Variants in FIGLA observed in about 807,000 individuals in gnomAD.
The protein encoded by FIGLA is factor in the germline alpha.
Under a neutral mutation model 21.5 loss-of-function variants are expected in FIGLA, and 17 were observed. The ratio of observed to expected loss-of-function variants is 0.79; its 90% CI spans 0.54 to 1.19. FIGLA has a LOEUF of 1.19. Among genes scored for constraint, FIGLA ranks in the 50% most tolerant of loss-of-function variants. The pLI is 0.00. For missense variants in FIGLA, 282 were observed against 285.0 expected, an observed-to-expected ratio of 0.99 and a Z score of 0.08; for synonymous variants, 129 against 117.6, an observed-to-expected ratio of 1.10 and a Z score of -0.63.
Position 70,788,530 on chromosome 2 carries a change from G to A in FIGLA, c.232-729C>T, listed in dbSNP as rs73937010. On this transcript the variant is annotated intron_variant, in intron 1 of 4. Coordinates refer to ENST00000332372, the MANE Select transcript of FIGLA (RefSeq NM_001004311.3). Reference sequence around the variant, plus strand: ...CTATAATTCTGATGTTCATCCCCCTGGGAGATACAGGCCTTGGGAGAACTG... The same window carrying A: ...CTATAATTCTGATGTTCATCCCCCTAGGAGATACAGGCCTTGGGAGAACTG... Among the ~76,000 whole-genome samples, 1,261 of 152,234 alleles carry A rather than the reference G, an allele frequency of 8.3e-3. 20 individuals are homozygous for A. The highest frequency in any genetic ancestry group is 0.029 in the African/African-American group (1,190 of 41,524).
intron 2 of FIGLA, among the ~76,000 whole-genome samples, chr2:70,787,057 G>A (rs1251565904): frequency 6.6e-6 from 1 of 152,178 alleles, no homozygotes; most frequent in Non-Finnish European, 1.5e-5. Flanking sequence ...GGACACTTCT[G>A]AGCTATCTCA....
chr2:70,787,290 C>A (rs1243033895), intron 2 of FIGLA, among the ~76,000 whole-genome samples: 1 of 152,118 alleles, frequency 6.6e-6, no homozygotes, highest in Non-Finnish European at 1.5e-5. Flanking sequence ...TGTAGGGAAA[C>A]AACCAAAGTG....
chr2:70,787,029 C>T (rs10171584), intron 2 of FIGLA, among the ~76,000 whole-genome samples: 5,160 of 152,310 alleles, frequency 0.034, 297 homozygotes, highest in African/African-American at 0.12. Context: ...AACCAGTCCA[C>T]ACTTTACTTT....
At chr2:70,784,009 G>T (rs1386780060) in intron 3 of FIGLA, among the ~76,000 whole-genome samples, 1 of 152,012 alleles carries the variant, frequency 6.6e-6, no homozygotes, top group Non-Finnish European at 1.5e-5. Flanking sequence ...TGTTGTTGTT[G>T]CTTTTAGTCA....
chr2:70,784,612 G>A (rs1553389584), intron 3 of FIGLA, among the ~76,000 whole-genome samples: 2 of 152,030 alleles, frequency 1.3e-5, no homozygotes, highest in Non-Finnish European at 2.9e-5. Flanking sequence ...TCAACTGCTC[G>A]CCTCAACTGC....
intron 3 of FIGLA, among the ~76,000 whole-genome samples, chr2:70,778,203 C>T (rs1311883859): frequency 6.6e-6 from 1 of 152,156 alleles, no homozygotes; most frequent in Admixed American, 6.5e-5. Context: ...ACACTATCAC[C>T]CACATCCCCC....
Position 70,785,418 on chromosome 2 carries a change from A to G in FIGLA, c.606T>C (p.Ser202=). 1 of 1,608,964 alleles carries G rather than the reference A, an allele frequency of 6.2e-7. No homozygotes were observed. The highest frequency in any genetic ancestry group is 8.5e-7 in the Non-Finnish European group (1 of 1,175,710). ...STTEIISPTR[S]LDRFPEVELL... Reference sequence around the variant, plus strand: ...TATTTAAGAAGGAATATTTTACCAGACTTCTGGTTGGGGAGATAATTTCAG... The same window carrying G: ...TATTTAAGAAGGAATATTTTACCAGGCTTCTGGTTGGGGAGATAATTTCAG... The change falls in exon 3 of 5, where the codon AGT becomes AGC. Residue 202 remains serine, a synonymous_variant. Coordinates refer to ENST00000332372, the MANE Select transcript of FIGLA (RefSeq NM_001004311.3).
chr2:70,787,785 C>T lies in FIGLA; in HGVS notation c.248G>A (p.Arg83His), dbSNP rs199702150. 5.7e-4 allele frequency: 917 copies of T among 1,612,284 alleles called. 1 individual carries two copies. The highest frequency in any genetic ancestry group is 7.5e-4 in the Non-Finnish European group (881 of 1,179,476). Residue 83 changes from arginine to histidine, a missense_variant, in exon 2 of 5, where the codon CGT (arginine) becomes CAT (histidine). Physicochemically the swap from Arg to His is conservative, Grantham distance 29 (BLOSUM62 0). Transcript: ENST00000332372. ...KERERIKNLNRGFARLKALVP... is the reference protein window; with the variant it reads ...KERERIKNLNHGFARLKALVP... The stretch of plus-strand genomic sequence containing the variant: ...AAGTGCCTTCAATCTGGCAAAACCA[C>T]GGTTGAGATTTTTTATCTAGAAAAC...
chr2:70,780,680 A>C (rs1246431615), intron 3 of FIGLA, among the ~76,000 whole-genome samples: 1 of 152,258 alleles, frequency 6.6e-6, no homozygotes, highest in East Asian at 1.9e-4. Context: ...AAAACTAGCC[A>C]GAAAGACGGC....
Position 70,785,530 on chromosome 2 carries a change from C to A in FIGLA, c.494G>T (p.Gly165Val). 1.2e-6 allele frequency: 2 copies of A among 1,613,992 alleles called. No individual in the cohort carries two copies. The highest frequency in any genetic ancestry group is 1.7e-6 in the Non-Finnish European group (2 of 1,179,894). The change falls in exon 3 of 5, where the codon GGC becomes GTC. Residue 165 changes from glycine to valine, a missense_variant. Physicochemically the swap from Gly to Val is moderately radical, Grantham distance 109. Transcript: ENST00000332372. The part of the protein sequence containing the change: ...NITQHISCAF[G>V]LKNEEEGPWA... ...AGGCCCTTCCTCTTCATTCTTCAAG[C>A]CGAAAGCACAGCTGATATGTTGGGT... is the stretch of plus-strand genomic sequence containing the variant.
chr2:70,785,098 G>C (rs1553389703), intron 3 of FIGLA, among the ~76,000 whole-genome samples: 2 of 152,088 alleles, frequency 1.3e-5, no homozygotes, highest in Non-Finnish European at 2.9e-5. Context: ...GGTGGTTCTG[G>C]GGTTAAATAG....
chr2:70,785,745 A>G, intron 2 of FIGLA, 106 bp from the exon 3 acceptor site: 1 of 816,638 alleles, frequency 1.2e-6, no homozygotes, highest in African/African-American at 1.7e-5. Flanking sequence ...CATTTAAATG[A>G]TAAGGGCAAT....
intron 3 of FIGLA, among the ~76,000 whole-genome samples, chr2:70,783,228 T>A (rs1407752381): frequency 4.6e-5 from 7 of 152,022 alleles, no homozygotes; most frequent in African/African-American, 1.7e-4. Context: ...AAACGTCGAG[T>A]CTTCCTTGGT....
At chr2:70,783,855 C>T (rs1249127396) in intron 3 of FIGLA, among the ~76,000 whole-genome samples, 2 of 152,084 alleles carry the variant, frequency 1.3e-5, no homozygotes, top group Admixed American at 6.5e-5. Flanking sequence ...GTGCCCGCCA[C>T]CACGCCTGAT....
chr2:70,786,814 C>T (rs1553390109), intron 2 of FIGLA, among the ~76,000 whole-genome samples: 2 of 152,112 alleles, frequency 1.3e-5, no homozygotes, highest in African/African-American at 4.8e-5. Flanking sequence ...CTTTAGTTTC[C>T]TAAGGTTCTC....
intron 2 of FIGLA, 105 bp from the exon 3 acceptor site, chr2:70,785,744 G>T: frequency 1.2e-6 from 1 of 839,540 alleles, no homozygotes; most frequent in Non-Finnish European, 2.0e-6. Flanking sequence ...TCATTTAAAT[G>T]ATAAGGGCAA....
chr2:70,784,302 G>T (rs1195085210), intron 3 of FIGLA, among the ~76,000 whole-genome samples: 1 of 152,118 alleles, frequency 6.6e-6, no homozygotes, highest in Admixed American at 6.5e-5. Context: ...CAAAACACTG[G>T]CTACAGAGCT....
intron 3 of FIGLA, among the ~76,000 whole-genome samples, chr2:70,783,354 C>T (rs1553389400): frequency 6.6e-6 from 1 of 152,220 alleles, no homozygotes; most frequent in Non-Finnish European, 1.5e-5. Flanking sequence ...ACATCTCTGG[C>T]TTTTACTAGG....
chr2:70,780,885 G>A (rs1675842591), intron 3 of FIGLA, among the ~76,000 whole-genome samples: 1 of 152,142 alleles, frequency 6.6e-6, no homozygotes, highest in African/African-American at 2.4e-5. Flanking sequence ...AGATCCAGCA[G>A]ATGAGGGGCA....
Sources: allele counts gnomAD v4.1 joint callset (sites outside exome capture counted in the v4.1 genomes callset), GRCh38; gene constraint gnomAD v4.1.1; transcripts MANE v1.5; gene names NCBI Gene and HGNC (gene_info 2026-07-23, HGNC 2026-07-21).